The following CDKN2B-AS1 variants were observed in gnomAD, a reference collection of about 807,000 sequenced individuals.
CDKN2B-AS1 encodes the protein CDKN2B antisense RNA 1 (non-protein coding).
intron 4 of CDKN2B-AS1, among the ~76,000 whole-genome samples, chr9:22,100,604 T>C (rs1825449579): frequency 6.6e-6 from 1 of 152,228 alleles, no homozygotes; most frequent in African/African-American, 2.4e-5. Flanking sequence ...TTGACTTTTA[T>C]GAATAATGCT....
chr9:22,054,791 T>C (rs1019925186), intron 3 of CDKN2B-AS1, among the ~76,000 whole-genome samples: 2 of 151,680 alleles, frequency 1.3e-5, no homozygotes, highest in African/African-American at 4.8e-5. Context: ...GCTGGTGTTT[T>C]TTTCTTGAGA....
At chr9:22,089,531 A>G (rs772108169) in intron 4 of CDKN2B-AS1, among the ~76,000 whole-genome samples, 24 of 152,162 alleles carry the variant, frequency 1.6e-4, no homozygotes, top group Non-Finnish European at 3.2e-4. Flanking sequence ...CCCAGATTCA[A>G]GTGATCTTCC....
At chr9:22,058,491 G>A (rs1417359241) in intron 4 of CDKN2B-AS1, 1 of 152,214 alleles carries the variant, frequency 6.6e-6, no homozygotes, top group African/African-American at 2.4e-5. Context: ...GTTGCCATTT[G>A]AATCTTTGCT....
intron 1 of CDKN2B-AS1, among the ~76,000 whole-genome samples, chr9:22,043,454 A>G (rs1433215174): frequency 1.3e-5 from 2 of 151,944 alleles, no homozygotes; most frequent in East Asian, 3.9e-4. Flanking sequence ...GATTTTCTTC[A>G]AATATATCCA....
chr9:22,012,435 T>G (rs997428595), intron 1 of CDKN2B-AS1: 12 of 730,642 alleles, frequency 1.6e-5, no homozygotes, highest in Non-Finnish European at 3.0e-5. Flanking sequence ...TGAAACAAGA[T>G]GATCTGCCAT....
chr9:22,015,171 T>G (rs1192585529), intron 1 of CDKN2B-AS1, among the ~76,000 whole-genome samples: 1 of 152,196 alleles, frequency 6.6e-6, no homozygotes, highest in Non-Finnish European at 1.5e-5. Context: ...TCTAGATCCC[T>G]GAGAAATCGC....
At chr9:22,016,947 G>T (rs978714348) in intron 1 of CDKN2B-AS1, among the ~76,000 whole-genome samples, 11 of 152,220 alleles carry the variant, frequency 7.2e-5, no homozygotes, top group Non-Finnish European at 1.6e-4. Flanking sequence ...TCTTTGGCCA[G>T]TGGGAGCCTC....
intron 1 of CDKN2B-AS1, among the ~76,000 whole-genome samples, chr9:22,024,614 G>T (rs1822154855): frequency 6.6e-6 from 1 of 152,178 alleles, no homozygotes. Flanking sequence ...GCAGCTGCAG[G>T]GCTTGCTGGC....
rs536292386 is a variant in CDKN2B-AS1 at position 22,094,425 on chromosome 9, T to C, written n.439-32678T>C. ...TCCTGCAGAGTGTTTTCCAACTTGG[T>C]TCCATTCTGCCCGTCACTTTCAGGT... On this transcript the variant is annotated intron_variant and non_coding_transcript_variant, in intron 4 of 4. Coordinates refer to ENST00000650946, the Ensembl canonical transcript of CDKN2B-AS1. Among the ~76,000 whole-genome samples the C allele has an allele frequency of 3.5e-5, 5 of 144,714 alleles. No homozygotes were observed. In the East Asian group the frequency reaches 9.8e-4, roughly 28 times the overall value. The allele number at this position is 144,714 out of a possible 152,430, so 94.9% of individuals were successfully genotyped here.
chr9:22,084,299 C>G (rs1443911009), intron 4 of CDKN2B-AS1, among the ~76,000 whole-genome samples: 2 of 152,132 alleles, frequency 1.3e-5, no homozygotes, highest in African/African-American at 2.4e-5. Context: ...ATGACAACTT[C>G]TATATTACCT....
At chr9:22,098,978 A>T (rs1407008784) in intron 4 of CDKN2B-AS1, among the ~76,000 whole-genome samples, 3 of 152,218 alleles carry the variant, frequency 2.0e-5, no homozygotes, top group African/African-American at 4.8e-5. Context: ...AGTCAAGGAA[A>T]CAAAGAAGCC....
At chr9:22,013,454 T>G in intron 1 of CDKN2B-AS1, among the ~76,000 whole-genome samples, 1 of 152,180 alleles carries the variant, frequency 6.6e-6, no homozygotes, top group East Asian at 1.9e-4. Context: ...TCTCTCTCTT[T>G]TTTTTCTTAT....
chr9:22,029,537 G>A (rs1396849255), intron 1 of CDKN2B-AS1: 4 of 779,298 alleles, frequency 5.1e-6, no homozygotes, highest in East Asian at 4.9e-5. Flanking sequence ...TGGCCCCCAT[G>A]ACTTTCTTTG....
At chr9:22,114,630 A>G (rs918908804) in intron 4 of CDKN2B-AS1, among the ~76,000 whole-genome samples, 2 of 152,242 alleles carry the variant, frequency 1.3e-5, no homozygotes, top group Non-Finnish European at 2.9e-5. Flanking sequence ...TCAGGAACGG[A>G]CTTGCTTTAG....
At chr9:22,050,096 C>A (rs1379499871) in intron 3 of CDKN2B-AS1, among the ~76,000 whole-genome samples, 7 of 152,098 alleles carry the variant, frequency 4.6e-5, no homozygotes, top group African/African-American at 1.2e-4. Flanking sequence ...CTCTTTTATG[C>A]AATTGGGAAA....
intron 4 of CDKN2B-AS1, among the ~76,000 whole-genome samples, chr9:22,068,940 C>G (rs1159850967): frequency 2.0e-5 from 3 of 152,256 alleles, no homozygotes; most frequent in African/African-American, 7.2e-5. Context: ...GGGAATTACC[C>G]CAGGGACCTA....
chr9:22,017,809 T>G (rs1345453438), intron 1 of CDKN2B-AS1, among the ~76,000 whole-genome samples: 1 of 152,242 alleles, frequency 6.6e-6, no homozygotes. Context: ...GGCCATTGCA[T>G]GCAAAGAGGT....
chr9:22,017,077 A>G lies in CDKN2B-AS1; in HGVS notation n.29+21916A>G, dbSNP rs191606425. On this transcript the variant is annotated intron_variant and non_coding_transcript_variant, in intron 1 of 4. Coordinates refer to ENST00000650946, the Ensembl canonical transcript of CDKN2B-AS1. ...ATATACTTCCAGTCCTATACATAAT[A>G]TTAACTTTTTTTCAAAGAATTACTG... Among the ~76,000 whole-genome samples, 9 of 152,328 alleles carry G rather than the reference A, an allele frequency of 5.9e-5. No homozygotes were observed. In the East Asian group the frequency reaches 1.2e-3, roughly 20 times the overall value.
At position 22,000,153 on chromosome 9, in the gene CDKN2B-AS1, A is replaced by C. The variant is rs746817779; in HGVS notation, n.29+4992A>C. Among the ~76,000 whole-genome samples, 2 of 152,182 alleles carry C rather than the reference A, an allele frequency of 1.3e-5. No homozygotes were observed. Among genetic ancestry groups the C allele is most frequent in the African/African-American group, 4.8e-5 (2 of 41,458 alleles). ...TTTTGTAGACCTGGAGCTGATCAAC[A>C]AGTCTAAATGTTAAAACATCCTCAC... On this transcript the variant is annotated intron_variant and non_coding_transcript_variant, in intron 1 of 4. Transcript: ENST00000650946. This position sits in a 1 kb window ranked among gnomAD's most constrained non-coding sequence, Gnocchi z 4.1.
Sources: gnomAD v4.1 joint callset for allele counts (sites outside exome capture counted in the v4.1 genomes callset) on GRCh38, gnomAD v4.1.1 for gene constraint, Gnocchi (gnomAD v3.1) non-coding constraint, MANE v1.5 for transcripts, NCBI Gene and HGNC (gene_info 2026-07-23, HGNC 2026-07-21) for gene names.